Variants in CFAP77 observed in about 807,000 individuals in gnomAD.
The protein encoded by CFAP77 is cilia- and flagella-associated protein 77.
CFAP77 carries 25 observed loss-of-function variants against 31.1 expected under a neutral mutation model. The observed-to-expected ratio is 0.80, with a 90% CI of 0.59 to 1.12. CFAP77 has a LOEUF of 1.12. Among genes scored for constraint, CFAP77 ranks in the 50% most tolerant of loss-of-function variants. The probability of loss-of-function intolerance (pLI) is 0.00; values close to 1 mark genes in which losing one functional copy is unlikely to be tolerated. For synonymous variants in CFAP77, 151 were observed against 159.9 expected (o/e 0.94, Z 0.42); for missense variants, 377 against 397.3 (o/e 0.95, Z 0.44).
Position 132,499,497 on chromosome 9 carries a change from T to C in CFAP77, c.421T>C (p.Tyr141His). The change falls in exon 3 of 6, where the codon TAC becomes CAC. Residue 141 changes from tyrosine to histidine, a missense_variant. Physicochemically the swap from Tyr to His is moderately conservative, Grantham distance 83 (BLOSUM62 2). Transcript: ENST00000393216. This position sits in a 1 kb window ranked among gnomAD's most constrained non-coding sequence, Gnocchi z 5.4. ...GLVTARENLLYRQLNDIRISD... is the reference protein window; with the variant it reads ...GLVTARENLLHRQLNDIRISD... ...GGTGACTGCCCGGGAGAACTTGCTCTACCGTCAGCTCAATGACATCCGCAT... is the reference window on the plus strand; with the variant it reads ...GGTGACTGCCCGGGAGAACTTGCTCCACCGTCAGCTCAATGACATCCGCAT... 1 of 1,614,176 alleles carries C rather than the reference T, an allele frequency of 6.2e-7. No homozygotes were observed. The highest frequency in any genetic ancestry group is 1.3e-5 in the African/African-American group (1 of 75,048).
chr9:132,502,285 G>T (rs1221942972), intron 3 of CFAP77, among the ~76,000 whole-genome samples: 1 of 149,788 alleles, frequency 6.7e-6, no homozygotes, highest in Non-Finnish European at 1.5e-5. Context: ...TTTGGGGGAG[G>T]GGGGTGGTAG....
At chr9:132,445,386 TCATC>T (rs1850692035) in intron 1 of CFAP77, among the ~76,000 whole-genome samples, 1 of 152,256 alleles carries the variant, frequency 6.6e-6, no homozygotes, top group South Asian at 2.1e-4. Flanking sequence ...AGCCTCATCT[TCATC>T]CATGTTGTAG....
At chr9:132,513,189 ATTAAG>A in intron 3 of CFAP77, 3 of 1,443,730 alleles carry the variant, frequency 2.1e-6, no homozygotes, top group Non-Finnish European at 2.8e-6. Flanking sequence ...TAAATGTGCA[ATTAAG>A]TTATTATTGA....
Position 132,537,649 on chromosome 9 carries a change from G to C in CFAP77, c.573G>C (p.Leu191=). The C allele has an allele frequency of 6.2e-7, 1 of 1,613,628 alleles. No homozygotes were observed. Among genetic ancestry groups the C allele is most frequent in the Non-Finnish European group, 8.5e-7 (1 of 1,179,758 alleles). The change falls in exon 4 of 6, where the codon CTG becomes CTC. Residue 191 remains leucine (L), a synonymous_variant. Transcript: ENST00000393216. ...TGCTGCAGCACCGGTACCTGCAGCT[G>C]TGGGTACAGGAACAAAAGGCCACCC... ...FDLLQHRYLQ[L]WVQEQKATQK...
rs180875066 is a variant in CFAP77, at chr9:132,423,258, G to A, written c.195+12792G>A. Reference sequence around the variant, plus strand: ...CTTAGGCAGCCGCTTGCTTCTTGGGGAGATCTTCCCAGGATCACCTCACAG... The same window carrying A: ...CTTAGGCAGCCGCTTGCTTCTTGGGAAGATCTTCCCAGGATCACCTCACAG... On this transcript the variant is annotated intron_variant, in intron 1 of 5. Coordinates refer to ENST00000393216, the MANE Select transcript of CFAP77 (RefSeq NM_001282957.2). Among the ~76,000 whole-genome samples the A allele has an allele frequency of 5.3e-5, 8 of 152,334 alleles. No homozygotes were observed. In the East Asian group the frequency reaches 1.3e-3, roughly 26 times the overall value.
intron 1 of CFAP77, among the ~76,000 whole-genome samples, chr9:132,444,737 A>C (rs1042936266): frequency 3.3e-5 from 5 of 152,208 alleles, no homozygotes; most frequent in Admixed American, 6.5e-5. Context: ...AATTTTTTAA[A>C]AAAAATTGTA....
At chr9:132,542,918 C>T in intron 4 of CFAP77, 28 bp from the exon 5 acceptor site, 1 of 1,576,866 alleles carries the variant, frequency 6.3e-7, no homozygotes, top group Non-Finnish European at 8.7e-7. Flanking sequence ...GGGCAACCAT[C>T]TCACCTTTGC....
intron 1 of CFAP77, among the ~76,000 whole-genome samples, chr9:132,414,174 A>G (rs74951018): frequency 0.04 from 6,113 of 152,362 alleles, 165 homozygotes; most frequent in South Asian, 0.096. Context: ...GTGTTCACAG[A>G]TGAATCAGAT....
intron 1 of CFAP77, among the ~76,000 whole-genome samples, chr9:132,437,456 G>A (rs369384978): frequency 2.0e-4 from 31 of 151,250 alleles, no homozygotes; most frequent in Non-Finnish European, 3.4e-4. Flanking sequence ...TCTGGACTTC[G>A]TCCGAGGGCA....
At chr9:132,520,919 A>C (rs1045937109) in intron 3 of CFAP77, among the ~76,000 whole-genome samples, 1 of 152,076 alleles carries the variant, frequency 6.6e-6, no homozygotes, top group Non-Finnish European at 1.5e-5. Context: ...CTCCATCCCT[A>C]CCCCACTGCC....
chr9:132,512,010 T>C (rs1714348729), intron 3 of CFAP77, among the ~76,000 whole-genome samples: 2 of 151,306 alleles, frequency 1.3e-5, no homozygotes, highest in Non-Finnish European at 2.9e-5. Context: ...GCCAAGATCA[T>C]GCCACTGCAC....
At chr9:132,524,734 C>T (rs945181859) in intron 3 of CFAP77, among the ~76,000 whole-genome samples, 4 of 151,846 alleles carry the variant, frequency 2.6e-5, no homozygotes, top group Non-Finnish European at 2.9e-5. Context: ...CTGCAAGCTC[C>T]GCCTCCCGGG....
At chr9:132,512,879 G>A (rs769876544) in intron 3 of CFAP77, among the ~76,000 whole-genome samples, 10 of 152,150 alleles carry the variant, frequency 6.6e-5, no homozygotes, top group Non-Finnish European at 1.3e-4. Context: ...CCTGGGAGGT[G>A]GAGGTTGCAG....
chr9:132,569,488 A>G (rs2119113240), intron 5 of CFAP77, among the ~76,000 whole-genome samples: 1 of 152,306 alleles, frequency 6.6e-6, no homozygotes, highest in South Asian at 2.1e-4. Context: ...CATACTAAAC[A>G]TTTTGCAAAG....
intron 5 of CFAP77, among the ~76,000 whole-genome samples, chr9:132,548,717 G>A (rs1432867701): frequency 1.4e-5 from 1 of 71,848 alleles, no homozygotes; most frequent in South Asian, 5.0e-4. Context: ...CCCCACCCTC[G>A]GAACATCCGC....
At chr9:132,477,460 G>A (rs971593489) in intron 1 of CFAP77, among the ~76,000 whole-genome samples, 1 of 152,208 alleles carries the variant, frequency 6.6e-6, no homozygotes. Flanking sequence ...AATACATAGC[G>A]AGTTGTTGAT....
intron 5 of CFAP77, among the ~76,000 whole-genome samples, chr9:132,567,464 T>TC (rs1478412653): frequency 3.9e-5 from 6 of 152,204 alleles, no homozygotes; most frequent in Admixed American, 6.5e-5. Flanking sequence ...ACTGAGCAGC[T>TC]CCTTAGGGCT....
rs137892201 is a variant in CFAP77 at position 132,466,186 on chromosome 9, A to G, written c.196-32509A>G. On this transcript the variant is annotated intron_variant, in intron 1 of 5. Coordinates refer to ENST00000393216, the MANE Select transcript of CFAP77 (RefSeq NM_001282957.2). ...GATCTTCCAGGCTCAAGCAATCCTC[A>G]CTCCTAAGCCTCCTGAGTAGTTGGG... 7.8e-4 allele frequency among the ~76,000 whole-genome samples: 118 copies of G among 152,068 alleles called. No homozygotes were observed. The East Asian group carries it at 0.02, about 25-fold the overall frequency.
chr9:132,550,684 T>C (rs76551725), intron 5 of CFAP77, among the ~76,000 whole-genome samples: 2 of 151,980 alleles, frequency 1.3e-5, no homozygotes, highest in East Asian at 3.9e-4. Flanking sequence ...AGCTAATTTT[T>C]AATTTTTTTT....
Sources: gnomAD v4.1 joint callset for allele counts (sites outside exome capture counted in the v4.1 genomes callset) on GRCh38, gnomAD v4.1.1 for gene constraint, Gnocchi (gnomAD v3.1) non-coding constraint, MANE v1.5 for transcripts, NCBI Gene and HGNC (gene_info 2026-07-23, HGNC 2026-07-21) for gene names.